ZMYND8: variants seen among roughly 807,000 people sequenced by gnomAD.
ZMYND8 encodes zinc finger MYND-type containing 8.
In ZMYND8, 37 loss-of-function variants were observed where a neutral mutation model predicts 140.8. That is an observed-to-expected ratio of 0.26 (90% confidence interval 0.20 to 0.35). ZMYND8 has a LOEUF of 0.35. Ranked by LOEUF, ZMYND8 falls within the 10% of genes least tolerant of loss-of-function variation. The probability of loss-of-function intolerance (pLI) is 1.00; values close to 1 mark genes in which losing one functional copy is unlikely to be tolerated. For synonymous variants in ZMYND8, 592 were observed against 597.1 expected, an observed-to-expected ratio of 0.99 and a Z score of 0.12; for missense variants, 1,068 against 1,570.0, an observed-to-expected ratio of 0.68 and a Z score of 5.40.
intron 11 of ZMYND8, among the ~76,000 whole-genome samples, chr20:47,266,304 A>C (rs1405674845): frequency 6.6e-6 from 1 of 151,370 alleles, no homozygotes; most frequent in African/African-American, 2.4e-5. Context: ...AGAGAGATGG[A>C]GTTTCACTCT....
chr20:47,323,238 C>T (rs558115702), intron 2 of ZMYND8, among the ~76,000 whole-genome samples: 115 of 152,124 alleles, frequency 7.6e-4, no homozygotes, highest in African/African-American at 2.6e-3. Context: ...ACTCATTTCC[C>T]CCAACTTTTC....
At chr20:47,232,906 G>GTTTTTTTT (rs758568932) in intron 16 of ZMYND8, among the ~76,000 whole-genome samples, 6 of 123,420 alleles carry the variant, frequency 4.9e-5, no homozygotes, top group African/African-American at 1.4e-4. Context: ...TGTTTTTTTT[G>GTTTTTTTT]TTTTTTTTTT....
At chr20:47,356,405 G>A in intron 1 of ZMYND8, 1 of 1,529,602 alleles carries the variant, frequency 6.5e-7, no homozygotes, top group Non-Finnish European at 8.7e-7. Context: ...AACTCTTCCA[G>A]AAACACCATG....
chr20:47,303,058 C>T (rs796622871), intron 3 of ZMYND8, among the ~76,000 whole-genome samples: 15 of 152,234 alleles, frequency 9.9e-5, no homozygotes, highest in African/African-American at 3.4e-4. Context: ...CCAGACTTTG[C>T]CCAACGTCCC....
In ZMYND8 at chr20:47,234,755, T is replaced by C. The variant is rs536679838; in HGVS notation, c.2856+1571A>G. On this transcript the variant is annotated intron_variant, in intron 16 of 22. Transcript: ENST00000471951. The stretch of plus-strand genomic sequence containing the variant: ...ATTTGTGTAAAAAAAAAAATTCATA[T>C]ATATTTCTCTCACCACTCAGAATTT... Among the ~76,000 whole-genome samples the C allele has an allele frequency of 8.5e-5, 13 of 152,232 alleles. No individual in the cohort carries two copies. In the South Asian group the frequency reaches 2.5e-3, roughly 29 times the overall value.
rs571793946 is a variant in ZMYND8, at chr20:47,261,110, A to G, written c.1621+1178T>C. Among the ~76,000 whole-genome samples the G allele has an allele frequency of 3.9e-5, 6 of 152,138 alleles. No homozygotes were observed. In the East Asian group the frequency reaches 1.2e-3, roughly 29 times the overall value. The stretch of plus-strand genomic sequence containing the variant: ...GTGGTGCATGCCTGTAATCCCAGCT[A>G]CTCGGAGGCTCAGGCAGGAGAATCA... On this transcript the variant is annotated intron_variant, in intron 12 of 22. Transcript: ENST00000471951.
chr20:47,212,900 T>C (rs1174566244), intron 21 of ZMYND8, among the ~76,000 whole-genome samples, 175 bp from the exon 22 acceptor site: 1 of 152,168 alleles, frequency 6.6e-6, no homozygotes, highest in Non-Finnish European at 1.5e-5. Context: ...TAAGTCTCTT[T>C]AAAAATGCAT....
intron 2 of ZMYND8, among the ~76,000 whole-genome samples, chr20:47,317,298 C>T (rs1283050998): frequency 6.6e-6 from 1 of 152,304 alleles, no homozygotes; most frequent in South Asian, 2.1e-4. Flanking sequence ...TGGCATCAGT[C>T]CCTGAAATAG....
chr20:47,344,576 C>T (rs1303889508), intron 2 of ZMYND8, among the ~76,000 whole-genome samples: 6 of 152,102 alleles, frequency 3.9e-5, no homozygotes, highest in East Asian at 3.9e-4. Context: ...GATTCTAAAA[C>T]GGAAAAGGGA....
At chr20:47,306,007 G>A (rs959978557) in intron 3 of ZMYND8, among the ~76,000 whole-genome samples, 4 of 152,256 alleles carry the variant, frequency 2.6e-5, no homozygotes, top group Admixed American at 2.6e-4. Context: ...CCTAAGGGGT[G>A]AAAACACTGG....
In ZMYND8 at chr20:47,246,068, A is replaced by C. The variant is rs753667322; in HGVS notation, c.2224T>G (p.Ser742Ala). ...ELVIDLGEDH[S>A]GREGRKNKKE... ...TTATTTTTTCGACCCTCCCGCCCAGAATGGTCTTCTCCTAAATCTATGACA... is the reference window on the plus strand; with the variant it reads ...TTATTTTTTCGACCCTCCCGCCCAGCATGGTCTTCTCCTAAATCTATGACA... Residue 742 changes from serine to alanine, a missense_variant, in exon 14 of 23, where the codon TCT becomes GCT. Ser to Ala is a moderately conservative substitution (Grantham distance 99). Transcript: ENST00000471951. 5 of 1,613,928 alleles carry C rather than the reference A, an allele frequency of 3.1e-6. No homozygotes were observed. In the East Asian group the frequency reaches 1.1e-4, roughly 36 times the overall value.
At chr20:47,324,232 CT>C (rs2080216204) in intron 2 of ZMYND8, among the ~76,000 whole-genome samples, 1 of 149,098 alleles carries the variant, frequency 6.7e-6, no homozygotes, top group Non-Finnish European at 1.5e-5. Context: ...AATGCCAAAC[CT>C]TTACCGGTCG....
intron 2 of ZMYND8, among the ~76,000 whole-genome samples, chr20:47,326,585 C>T (rs1023543053): frequency 5.3e-5 from 8 of 152,242 alleles, no homozygotes; most frequent in African/African-American, 1.9e-4. Flanking sequence ...ACGTCTGAGT[C>T]TGAGGATCTC....
chr20:47,284,394 C>T (rs2076796429), intron 8 of ZMYND8, among the ~76,000 whole-genome samples: 1 of 152,116 alleles, frequency 6.6e-6, no homozygotes, highest in African/African-American at 2.4e-5. Flanking sequence ...CACAAGTAGC[C>T]CAAAGGAGGG....
intron 16 of ZMYND8, among the ~76,000 whole-genome samples, chr20:47,235,416 C>A (rs2039095908): frequency 6.6e-6 from 1 of 151,960 alleles, no homozygotes; most frequent in Non-Finnish European, 1.5e-5. Flanking sequence ...CATAAAAGCA[C>A]TTGGCAGGCC....
Position 47,246,132 on chromosome 20 carries a change from T to C in ZMYND8, c.2160A>G (p.Thr720=), listed in dbSNP as rs1353326729. ...LKGKDETDSP[T]VHLGLDSDSE... is the part of the protein sequence containing the mutation. ...AATCAGAGTCCAGGCCCAAATGGAC[T>C]GTTGGGGAATCCGTCTCATCTTTTC... The change falls in exon 14 of 23, where the codon ACA becomes ACG. Residue 720 remains threonine (T), a synonymous_variant. Transcript: ENST00000471951. 3 of 1,614,094 alleles carry C rather than the reference T, an allele frequency of 1.9e-6. No individual in the cohort carries two copies. Among genetic ancestry groups the C allele is most frequent in the African/African-American group, 1.3e-5 (1 of 74,936 alleles).
chr20:47,293,942 C>T (rs2077466651), intron 5 of ZMYND8, among the ~76,000 whole-genome samples: 1 of 151,906 alleles, frequency 6.6e-6, no homozygotes, highest in African/African-American at 2.4e-5. Flanking sequence ...TGGCACTTCC[C>T]ACCCCCCTTC....
At chr20:47,331,087 G>A (rs78538618) in intron 2 of ZMYND8, among the ~76,000 whole-genome samples, 8 of 150,824 alleles carry the variant, frequency 5.3e-5, no homozygotes, top group Non-Finnish European at 7.4e-5. Context: ...CAGAGAGAAC[G>A]GAACACGGAG....
chr20:47,224,363 G>A lies in ZMYND8; in HGVS notation c.3210C>T (p.Cys1070=), dbSNP rs1198120458. 6.2e-7 allele frequency: 1 copy of A among 1,614,272 alleles called. No individual in the cohort carries two copies. The highest frequency in any genetic ancestry group is 1.1e-5 in the South Asian group (1 of 91,090). ...TGTGCTCAGGCCAGTGGGCTTGCTG[G>A]CAGGGGTAGTCACAGTAGCTGGTGT... The part of the protein sequence containing the change: ...CWNTSYCDYP[C]QQAHWPEHMK... Residue 1070 remains cysteine, a synonymous_variant, in exon 19 of 23, where the codon TGC becomes TGT. Transcript: ENST00000471951.
Sources: gnomAD v4.1 joint callset for allele counts (sites outside exome capture counted in the v4.1 genomes callset) on GRCh38, gnomAD v4.1.1 for gene constraint, MANE v1.5 for transcripts, NCBI Gene and HGNC (gene_info 2026-07-23, HGNC 2026-07-21) for gene names.